Variants in GALNTL6 observed in about 807,000 individuals in gnomAD.
The protein encoded by GALNTL6 is polypeptide N-acetylgalactosaminyltransferase like 6, also known as polypeptide N-acetylgalactosaminyltransferase-like 6.
GALNTL6 carries 46 observed loss-of-function variants against 73.7 expected under a neutral mutation model. The observed-to-expected ratio is 0.62, with a 90% CI of 0.49 to 0.80. The LOEUF is 0.80. Among genes scored for constraint, GALNTL6 ranks in the 30% least tolerant of loss-of-function variants. GALNTL6 has a pLI of 0.00. For synonymous variants in GALNTL6, 259 were observed against 263.7 expected, an observed-to-expected ratio of 0.98 and a Z score of 0.17; for missense variants, 604 against 755.0, an observed-to-expected ratio of 0.80 and a Z score of 2.34.
At chr4:172,370,630 CAAAAAA>C (rs71592072) in intron 5 of GALNTL6, among the ~76,000 whole-genome samples, 2 of 59,854 alleles carry the variant, frequency 3.3e-5, no homozygotes, top group African/African-American at 6.2e-5. Flanking sequence ...GACTCCATCT[CAAAAAA>C]AAAAAAAAAA....
intron 5 of GALNTL6, among the ~76,000 whole-genome samples, chr4:172,625,632 A>C (rs1455035918): frequency 1.3e-5 from 2 of 152,108 alleles, no homozygotes. Flanking sequence ...GCTAACTTAC[A>C]TTCCCACCAA....
At chr4:172,074,212 T>C (rs1252452687) in intron 2 of GALNTL6, among the ~76,000 whole-genome samples, 1 of 152,170 alleles carries the variant, frequency 6.6e-6, no homozygotes, top group Admixed American at 6.5e-5. Context: ...TGAAGAAAAA[T>C]TTAGCTTCCT....
chr4:171,866,300 TA>T lies in GALNTL6; in HGVS notation c.138+51585del, dbSNP rs753935823. Among the ~76,000 whole-genome samples the T allele has an allele frequency of 1.4e-3, 213 of 152,286 alleles. 1 individual carries two copies. Among genetic ancestry groups the T allele is most frequent in the East Asian group, 4.0e-3 (21 of 5,190 alleles). ...TAAATGTTTATTTTTCTTTAATTTT[TA>T]AATTTTTTTTCTTAAATGCCAGACT... On this transcript the variant is annotated intron_variant, in intron 2 of 12. Coordinates refer to ENST00000506823, the MANE Select transcript of GALNTL6 (RefSeq NM_001034845.3).
intron 4 of GALNTL6, among the ~76,000 whole-genome samples, chr4:172,336,986 T>C (rs1741352752): frequency 6.6e-6 from 1 of 152,208 alleles, no homozygotes; most frequent in Admixed American, 6.5e-5. Flanking sequence ...TTGAAGTCTT[T>C]ATCATTATGC....
intron 2 of GALNTL6, among the ~76,000 whole-genome samples, chr4:171,881,461 T>G (rs1427096234): frequency 6.6e-6 from 1 of 152,156 alleles, no homozygotes; most frequent in African/African-American, 2.4e-5. Context: ...TTTTCATGTT[T>G]TTCTGCCTGC....
At chr4:172,756,160 A>G (rs1453542168) in intron 5 of GALNTL6, among the ~76,000 whole-genome samples, 2 of 152,246 alleles carry the variant, frequency 1.3e-5, no homozygotes, top group East Asian at 3.8e-4. Context: ...AACTAATTCC[A>G]AAGTTTACAA....
At chr4:171,834,041 C>A (rs981034669) in intron 2 of GALNTL6, among the ~76,000 whole-genome samples, 1 of 151,738 alleles carries the variant, frequency 6.6e-6, no homozygotes, top group African/African-American at 2.4e-5. Context: ...AAAAAGATTT[C>A]ACTTACTTAT....
At chr4:172,282,263 G>A (rs990423578) in intron 3 of GALNTL6, among the ~76,000 whole-genome samples, 3 of 152,212 alleles carry the variant, frequency 2.0e-5, no homozygotes, top group South Asian at 2.1e-4. Flanking sequence ...AGATATCCAC[G>A]TACGTATGAA....
chr4:172,608,542 A>G (rs1208167588), intron 5 of GALNTL6, among the ~76,000 whole-genome samples: 1 of 152,116 alleles, frequency 6.6e-6, no homozygotes. Context: ...GCTTTATAGT[A>G]TAGTTTAAAG....
At chr4:172,423,886 G>A (rs1297875127) in intron 5 of GALNTL6, among the ~76,000 whole-genome samples, 1 of 151,990 alleles carries the variant, frequency 6.6e-6, no homozygotes, top group Non-Finnish European at 1.5e-5. Flanking sequence ...AAAAAGCAAA[G>A]CAAAACTATA....
chr4:172,716,715 T>TA (rs972429895), intron 5 of GALNTL6, among the ~76,000 whole-genome samples: 1 of 152,202 alleles, frequency 6.6e-6, no homozygotes, highest in Non-Finnish European at 1.5e-5. Context: ...TATGCACTTG[T>TA]AAAATGCAAA....
At chr4:172,593,211 T>A (rs1737720378) in intron 5 of GALNTL6, among the ~76,000 whole-genome samples, 1 of 152,208 alleles carries the variant, frequency 6.6e-6, no homozygotes, top group South Asian at 2.1e-4. Flanking sequence ...TTCTCAAACA[T>A]AACTTACAAT....
intron 9 of GALNTL6, 106 bp from the exon 10 acceptor site, chr4:172,951,931 G>C: frequency 2.4e-6 from 2 of 830,592 alleles, no homozygotes; most frequent in Non-Finnish European, 3.8e-6. Context: ...GGCTGCCTGA[G>C]GTTGCCGCTA....
chr4:172,561,556 C>A (rs1053590456), intron 5 of GALNTL6, among the ~76,000 whole-genome samples: 1 of 152,214 alleles, frequency 6.6e-6, no homozygotes, highest in Non-Finnish European at 1.5e-5. Flanking sequence ...AATAATACCA[C>A]CCCAAGTCTT....
At chr4:172,406,093 G>A (rs983976916) in intron 5 of GALNTL6, among the ~76,000 whole-genome samples, 1 of 151,968 alleles carries the variant, frequency 6.6e-6, no homozygotes, top group African/African-American at 2.4e-5. Flanking sequence ...AAGCAGACAT[G>A]CAAAGTTTCA....
At chr4:172,483,538 A>T (rs1433630576) in intron 5 of GALNTL6, among the ~76,000 whole-genome samples, 1 of 152,232 alleles carries the variant, frequency 6.6e-6, no homozygotes, top group African/African-American at 2.4e-5. Context: ...CTTTTCAGCA[A>T]CAGTGATTTC....
chr4:173,014,472 C>G (rs562031623), intron 11 of GALNTL6, among the ~76,000 whole-genome samples: 2 of 152,144 alleles, frequency 1.3e-5, no homozygotes, highest in Non-Finnish European at 2.9e-5. Flanking sequence ...TTCGTCCTCC[C>G]GAGGAAGCAA....
intron 2 of GALNTL6, among the ~76,000 whole-genome samples, chr4:172,140,250 A>G (rs1733765463): frequency 6.6e-6 from 1 of 152,102 alleles, no homozygotes. Flanking sequence ...TGTCATGCAC[A>G]AGGTCATGTT....
intron 5 of GALNTL6, among the ~76,000 whole-genome samples, chr4:172,707,598 C>T (rs1734433811): frequency 6.6e-6 from 1 of 152,078 alleles, no homozygotes; most frequent in African/African-American, 2.4e-5. Context: ...TTGTTAAAGG[C>T]AAAATTATTC....
Sources: gnomAD v4.1 joint callset for allele counts (sites outside exome capture counted in the v4.1 genomes callset) on GRCh38, gnomAD v4.1.1 for gene constraint, MANE v1.5 for transcripts, NCBI Gene and HGNC (gene_info 2026-07-23, HGNC 2026-07-21) for gene names.